The following LRRC37A2 variants were observed in gnomAD, a reference collection of about 807,000 sequenced individuals.
LRRC37A2 encodes the protein leucine rich repeat containing 37 member A2.
A neutral mutation model predicts 68.8 loss-of-function variants in LRRC37A2; 9 were observed. The ratio of observed to expected loss-of-function variants is 0.13; its 90% confidence interval spans 0.08 to 0.23. The LOEUF is 0.23. LRRC37A2 is among the 10% of genes least tolerant of loss of function. The pLI is 1.00. For synonymous variants in LRRC37A2, 63 were observed against 367.6 expected, an observed-to-expected ratio of 0.17 and a Z score of 9.48; for missense variants, 168 against 950.4, an observed-to-expected ratio of 0.18 and a Z score of 10.82.
chr17:46,783,480 G>A, the LRRC37A2 span, among the ~76,000 whole-genome samples: 964 of 152,356 alleles, frequency 6.3e-3, 13 homozygotes, highest in African/African-American at 0.02. Context: ...CACACCTGAG[G>A]AGCACCCAGC....
the LRRC37A2 span, among the ~76,000 whole-genome samples, chr17:46,852,631 A>G: frequency 6.6e-6 from 1 of 152,004 alleles, no homozygotes; most frequent in Non-Finnish European, 1.5e-5. Flanking sequence ...GGGGGCGGGT[A>G]TCATGGGTAA....
the LRRC37A2 span, among the ~76,000 whole-genome samples, chr17:47,038,472 G>A: frequency 2.0e-5 from 3 of 151,688 alleles, no homozygotes; most frequent in South Asian, 2.1e-4. Flanking sequence ...TTAGTTATCC[G>A]AGTGTGGTGG....
chr17:46,730,505 A>G, the LRRC37A2 span, among the ~76,000 whole-genome samples: 2 of 152,160 alleles, frequency 1.3e-5, no homozygotes, highest in African/African-American at 2.4e-5. Context: ...GAAACTATTA[A>G]CGAATGATCT....
At chr17:46,876,789 C>A in the LRRC37A2 span, 1 of 1,466,770 alleles carries the variant, frequency 6.8e-7, no homozygotes, top group East Asian at 2.4e-5. Flanking sequence ...GCCCAGCCGG[C>A]CCTCTGGGCA....
chr17:47,018,312 G>A, the LRRC37A2 span: 355,251 of 1,611,196 alleles, frequency 0.22, 45,165 homozygotes, highest in East Asian at 0.63. Context: ...TGGGGAGGTC[G>A]AATCTTCTCT....
the LRRC37A2 span, among the ~76,000 whole-genome samples, chr17:46,499,352 T>TA: frequency 1.4e-5 from 2 of 147,578 alleles, no homozygotes; most frequent in African/African-American, 5.2e-5. Context: ...GGGACAATGT[T>TA]ACTCTTCTTC....
At chr17:46,814,561 C>G in the LRRC37A2 span, among the ~76,000 whole-genome samples, 11 of 152,222 alleles carry the variant, frequency 7.2e-5, no homozygotes, top group African/African-American at 2.4e-4. Flanking sequence ...CCTGGCCATC[C>G]GATCTGGTAT....
the LRRC37A2 span, among the ~76,000 whole-genome samples, chr17:46,984,495 C>G: frequency 7.2e-5 from 11 of 152,314 alleles, no homozygotes; most frequent in African/African-American, 2.6e-4. Context: ...TATTTTTACC[C>G]TCCACCTCAG....
the LRRC37A2 span, among the ~76,000 whole-genome samples, chr17:46,743,464 A>G: frequency 1.2e-4 from 19 of 152,320 alleles, no homozygotes; most frequent in East Asian, 3.7e-3. Flanking sequence ...GAATTTTCTC[A>G]TCGCATATTT....
chr17:46,787,413 A>G, the LRRC37A2 span, among the ~76,000 whole-genome samples: 121 of 152,310 alleles, frequency 7.9e-4, no homozygotes, highest in Non-Finnish European at 2.5e-4. Context: ...TGTCAAAGCT[A>G]AGCGGGACCT....
the LRRC37A2 span, among the ~76,000 whole-genome samples, chr17:46,679,088 A>G: frequency 6.6e-6 from 1 of 152,066 alleles, no homozygotes; most frequent in Admixed American, 6.5e-5. Context: ...AGTGTTTAAC[A>G]ACACATGCTT....
chr17:46,500,857 C>T, the LRRC37A2 span, among the ~76,000 whole-genome samples: 2 of 150,956 alleles, frequency 1.3e-5, no homozygotes, highest in Non-Finnish European at 2.9e-5. Context: ...TATGGTTCCC[C>T]AAACAGCACA....
At chr17:46,818,423 C>A in the LRRC37A2 span, 14 of 1,282,200 alleles carry the variant, frequency 1.1e-5, 1 homozygote, top group South Asian at 1.5e-4. Flanking sequence ...GAGAGGAGCC[C>A]CAGCCCTGCA....
chr17:46,835,208 C>G, the LRRC37A2 span, among the ~76,000 whole-genome samples: 1 of 151,782 alleles, frequency 6.6e-6, no homozygotes, highest in Non-Finnish European at 1.5e-5. Flanking sequence ...CATGTTGTCC[C>G]TTATTCTTTT....
the LRRC37A2 span, among the ~76,000 whole-genome samples, chr17:46,622,413 G>A: frequency 8.7e-5 from 13 of 150,238 alleles, no homozygotes; most frequent in East Asian, 2.4e-3. Context: ...AGCCGATATC[G>A]CACCAGGGCA....
chr17:46,388,394 C>A, the LRRC37A2 span, among the ~76,000 whole-genome samples: 959 of 43,630 alleles, frequency 0.022, 7 homozygotes, highest in Admixed American at 0.17. Flanking sequence ...ACTAAAAATA[C>A]AAAAAAAAAA....
chr17:47,002,857 A>G, the LRRC37A2 span, among the ~76,000 whole-genome samples: 1 of 151,910 alleles, frequency 6.6e-6, no homozygotes, highest in African/African-American at 2.4e-5. Flanking sequence ...TGAATGTACC[A>G]CAATTTGTTA....
chr17:46,791,592 G>A, the LRRC37A2 span, among the ~76,000 whole-genome samples: 3 of 152,154 alleles, frequency 2.0e-5, no homozygotes, highest in Non-Finnish European at 4.4e-5. Flanking sequence ...CCCTCACTGT[G>A]TACAACACCC....
At chr17:46,557,966 G>A (rs1400477812), downstream of LRRC37A2, among the ~76,000 whole-genome samples, 13 of 129,992 alleles carry the variant, frequency 1.0e-4, 1 homozygote, top group Admixed American at 4.7e-4. Flanking sequence ...AAAGCTGAGC[G>A]GTCTGCAGGC....
Sources: allele counts gnomAD v4.1 joint callset (sites outside exome capture counted in the v4.1 genomes callset), GRCh38; gene constraint gnomAD v4.1.1; transcripts MANE v1.5; gene names NCBI Gene and HGNC (gene_info 2026-07-23, HGNC 2026-07-21).